PTPN9: variants seen among roughly 807,000 people sequenced by gnomAD.
The protein encoded by PTPN9 is tyrosine-protein phosphatase non-receptor type 9.
PTPN9 carries 26 observed loss-of-function variants against 69.8 expected under a neutral mutation model. The ratio of observed to expected loss-of-function variants is 0.37; its 90% confidence interval spans 0.27 to 0.52. PTPN9 has a LOEUF of 0.52. Among genes scored for constraint, PTPN9 ranks in the 20% least tolerant of loss-of-function variants. The probability of loss-of-function intolerance (pLI) is 0.91; values close to 1 mark genes in which losing one functional copy is unlikely to be tolerated. For missense variants in PTPN9, 549 were observed against 740.3 expected (o/e 0.74, Z 3.00); for synonymous variants, 274 against 272.5 (o/e 1.01, Z -0.05).
intron 4 of PTPN9, among the ~76,000 whole-genome samples, chr15:75,518,463 A>AT (rs1451257961): frequency 7.4e-6 from 1 of 135,480 alleles, no homozygotes; most frequent in Non-Finnish European, 1.6e-5. Context: ...CCCTGACTCT[A>AT]TTTAAAAAAA....
chr15:75,539,323 T>C (rs1389404019), intron 1 of PTPN9, among the ~76,000 whole-genome samples: 1 of 151,928 alleles, frequency 6.6e-6, no homozygotes, highest in Admixed American at 6.6e-5. Flanking sequence ...AGATTTTTTT[T>C]TTTTTTTTGA....
intron 1 of PTPN9, among the ~76,000 whole-genome samples, chr15:75,551,801 C>T (rs1021948477): frequency 6.6e-6 from 1 of 151,820 alleles, no homozygotes; most frequent in African/African-American, 2.4e-5. Flanking sequence ...CTTTGAGAGG[C>T]TGAGGTGGGC....
chr15:75,484,274 C>T (rs994474463), intron 8 of PTPN9, among the ~76,000 whole-genome samples: 2 of 152,182 alleles, frequency 1.3e-5, no homozygotes, highest in African/African-American at 4.8e-5. Flanking sequence ...CACTGTAGCA[C>T]AGGACCAAAT....
rs1349559112 is a variant in PTPN9 at position 75,555,945 on chromosome 15, TC to T, written c.63+22768del. On this transcript the variant is annotated intron_variant, in intron 1 of 12. Coordinates refer to ENST00000618819, the MANE Select transcript of PTPN9 (RefSeq NM_002833.4). The stretch of plus-strand genomic sequence containing the variant: ...ACTTTGGGAGGCTGAGGCAGGATGA[TC>T]CCTTGAGCCCAGGAAATGGAGGTGG... Among the ~76,000 whole-genome samples, 12 of 145,288 alleles carry T rather than the reference TC, an allele frequency of 8.3e-5. No homozygotes were observed. In the East Asian group the frequency reaches 2.4e-3, roughly 30 times the overall value.
chr15:75,510,096 A>G (rs184443325), intron 5 of PTPN9, among the ~76,000 whole-genome samples: 1 of 152,240 alleles, frequency 6.6e-6, no homozygotes, highest in African/African-American at 2.4e-5. Flanking sequence ...TCATTCATCT[A>G]TGTATTTACC....
intron 1 of PTPN9, among the ~76,000 whole-genome samples, chr15:75,549,982 C>T (rs2075050227): frequency 6.6e-6 from 1 of 151,494 alleles, no homozygotes; most frequent in East Asian, 1.9e-4. Context: ...CTACCCCCAC[C>T]CCCACCAAAA....
chr15:75,477,238 T>C (rs1405782363), intron 9 of PTPN9, among the ~76,000 whole-genome samples: 1 of 152,244 alleles, frequency 6.6e-6, no homozygotes, highest in Admixed American at 6.5e-5. Flanking sequence ...AGAGTCTCTA[T>C]AATAATTAGA....
chr15:75,480,693 G>C (rs1319179157), intron 8 of PTPN9: 1 of 1,296,584 alleles, frequency 7.7e-7, no homozygotes, highest in Non-Finnish European at 1.0e-6. Context: ...ACCGACCGCA[G>C]CCACCGCCGC....
intron 8 of PTPN9, 43 bp downstream of exon 8, chr15:75,490,165 A>T: frequency 7.0e-7 from 1 of 1,428,984 alleles, no homozygotes; most frequent in Admixed American, 1.7e-5. Flanking sequence ...AAGAAGCTCT[A>T]TTTCCCCCAG....
chr15:75,515,132 A>G (rs957883166), intron 5 of PTPN9, among the ~76,000 whole-genome samples: 14 of 152,150 alleles, frequency 9.2e-5, no homozygotes, highest in Non-Finnish European at 7.4e-5. Flanking sequence ...AGCCAGAATA[A>G]AAAAAAGAAA....
At chr15:75,556,311 C>G (rs981496991) in intron 1 of PTPN9, among the ~76,000 whole-genome samples, 2 of 151,772 alleles carry the variant, frequency 1.3e-5, no homozygotes, top group African/African-American at 4.8e-5. Context: ...ATCCCCCCTG[C>G]CTCGGCCTCC....
Position 75,477,965 on chromosome 15 carries a change from C to T in PTPN9, c.1129+1883G>A, listed in dbSNP as rs1158058711. Among the ~76,000 whole-genome samples, 6 of 151,622 alleles carry T rather than the reference C, an allele frequency of 4.0e-5. No individual in the cohort carries two copies. In the South Asian group the frequency reaches 8.3e-4, roughly 21 times the overall value. On this transcript the variant is annotated intron_variant, in intron 9 of 12. Transcript: ENST00000618819. The stretch of plus-strand genomic sequence containing the variant: ...AAGCAATTCTCCTGCCTCAGCCTCC[C>T]GAATAGTTGGGACTACAGGCACCCA...
intron 1 of PTPN9, among the ~76,000 whole-genome samples, chr15:75,559,690 ATCT>A (rs1372905891): frequency 6.7e-6 from 1 of 149,108 alleles, no homozygotes; most frequent in East Asian, 2.0e-4. Flanking sequence ...TCACTTGTTT[ATCT>A]GCTGACCTTC....
intron 7 of PTPN9, among the ~76,000 whole-genome samples, chr15:75,505,328 C>T (rs1315681893): frequency 2.0e-5 from 3 of 149,404 alleles, no homozygotes; most frequent in African/African-American, 2.5e-5. Context: ...TGCGGAAGGC[C>T]GCAGGGTCCT....
intron 7 of PTPN9, among the ~76,000 whole-genome samples, chr15:75,503,108 C>T (rs1055429005): frequency 3.3e-4 from 47 of 142,154 alleles, no homozygotes; most frequent in Non-Finnish European, 5.8e-4. Flanking sequence ...TCGTCTGGGA[C>T]GTGAGGAGCC....
chr15:75,547,558 C>T (rs995158546), intron 1 of PTPN9, among the ~76,000 whole-genome samples: 8 of 152,100 alleles, frequency 5.3e-5, no homozygotes, highest in African/African-American at 1.4e-4. Flanking sequence ...TATGCTGTCT[C>T]GCATGATCAA....
Position 75,578,717 on chromosome 15 carries a change from C to G in PTPN9, c.60G>C (p.Glu20Asp). ...CGGCGGCCTCGGGCCCGCTTACCTG[C>G]TCCTCCTCCGGGGTCAGCTCCGGCG... ...DMAPELTPEE[E>D]QATKQFLEEI... Residue 20 changes from glutamate to aspartate, a missense_variant, in exon 1 of 13, where the codon GAG becomes GAC. Physicochemically the swap from Glu to Asp is conservative, Grantham distance 45. Transcript: ENST00000618819. The G allele has an allele frequency of 2.2e-6, 3 of 1,371,178 alleles. No homozygotes were observed. Among genetic ancestry groups the G allele is most frequent in the Non-Finnish European group, 2.8e-6 (3 of 1,059,108 alleles). 84.9% of individuals were successfully genotyped at this position (1,371,178 alleles called of 1,614,324 possible). A position where few individuals can be genotyped will look rare whatever the true frequency, so the allele number is the denominator to read the frequency against.
intron 1 of PTPN9, among the ~76,000 whole-genome samples, chr15:75,559,142 C>G (rs1047270252): frequency 1.3e-5 from 2 of 151,882 alleles, no homozygotes; most frequent in African/African-American, 4.8e-5. Flanking sequence ...TGCCCCGCCG[C>G]CCCGTCTGGG....
intron 1 of PTPN9, among the ~76,000 whole-genome samples, chr15:75,551,254 A>G (rs1416638390): frequency 6.6e-6 from 1 of 152,158 alleles, no homozygotes; most frequent in African/African-American, 2.4e-5. Context: ...AAGACATTTT[A>G]AATATGAGGA....
Sources: allele counts gnomAD v4.1 joint callset (sites outside exome capture counted in the v4.1 genomes callset), GRCh38; gene constraint gnomAD v4.1.1; transcripts MANE v1.5; gene names NCBI Gene and HGNC (gene_info 2026-07-23, HGNC 2026-07-21).